CPNE4: variants seen among roughly 807,000 people sequenced by gnomAD.
CPNE4 encodes the protein copine-4.
Under a neutral mutation model 67.9 loss-of-function variants are expected in CPNE4, and 25 were observed. The observed-to-expected ratio is 0.37, with a 90% CI of 0.27 to 0.51. The LOEUF (loss-of-function observed/expected upper bound fraction) is 0.51, where lower values mean the gene tolerates loss of function less well. Among genes scored for constraint, CPNE4 ranks in the 20% least tolerant of loss-of-function variants. The pLI is 0.93. For synonymous variants in CPNE4, 242 were observed against 244.9 expected (o/e 0.99, Z 0.11); for missense variants, 464 against 690.8 (o/e 0.67, Z 3.68).
intron 2 of CPNE4, among the ~76,000 whole-genome samples, chr3:131,841,017 ATGT>A (rs2085760423): frequency 6.6e-6 from 1 of 152,138 alleles, no homozygotes; most frequent in African/African-American, 2.4e-5. Context: ...AGGGAGAGAA[ATGT>A]TGTTTTCGTT....
chr3:131,905,162 T>C, intron 2 of CPNE4, 102 bp downstream of exon 2: 1 of 1,020,908 alleles, frequency 9.8e-7, no homozygotes, highest in Admixed American at 2.4e-5. Flanking sequence ...TTCTCAAATT[T>C]CTTATTTCAT....
intron 10 of CPNE4, among the ~76,000 whole-genome samples, chr3:131,567,100 T>C (rs2107669686): frequency 1.3e-5 from 2 of 152,132 alleles, no homozygotes; most frequent in East Asian, 3.9e-4. Context: ...ATCTGTCCCA[T>C]GTGCTGGTTG....
chr3:131,672,827 A>AT (rs942712013), intron 6 of CPNE4, among the ~76,000 whole-genome samples: 7 of 151,316 alleles, frequency 4.6e-5, no homozygotes, highest in South Asian at 2.1e-4. Context: ...GCAGTGCAGA[A>AT]TTTTTTTTTA....
At chr3:131,936,711 T>A (rs1269227503) in intron 1 of CPNE4, among the ~76,000 whole-genome samples, 2 of 151,966 alleles carry the variant, frequency 1.3e-5, no homozygotes, top group African/African-American at 4.8e-5. Context: ...ATATGAAAAT[T>A]GTGATGAACA....
At chr3:131,996,904 G>C (rs1331226422) in intron 1 of CPNE4, among the ~76,000 whole-genome samples, 1 of 152,092 alleles carries the variant, frequency 6.6e-6, no homozygotes, top group African/African-American at 2.4e-5. Context: ...AAAATGTACA[G>C]AACATCTGCT....
At chr3:131,785,016 C>T (rs1406602868) in intron 2 of CPNE4, among the ~76,000 whole-genome samples, 1 of 152,050 alleles carries the variant, frequency 6.6e-6, no homozygotes, top group Non-Finnish European at 1.5e-5. Flanking sequence ...TGGTCAATAT[C>T]TTTAACTTCT....
At chr3:131,563,160 A>G (rs1247796001) in intron 11 of CPNE4, among the ~76,000 whole-genome samples, 1 of 151,992 alleles carries the variant, frequency 6.6e-6, no homozygotes, top group Non-Finnish European at 1.5e-5. Flanking sequence ...TTTTAGTATG[A>G]TTATCACCAA....
chr3:131,640,374 C>A (rs1023918005), intron 7 of CPNE4, among the ~76,000 whole-genome samples: 1 of 151,942 alleles, frequency 6.6e-6, no homozygotes, highest in Non-Finnish European at 1.5e-5. Flanking sequence ...AGTGACCAAG[C>A]TGAGAATCAA....
At chr3:131,579,033 C>A (rs547200413) in intron 9 of CPNE4, among the ~76,000 whole-genome samples, 1 of 152,230 alleles carries the variant, frequency 6.6e-6, no homozygotes, top group South Asian at 2.1e-4. Context: ...GAAGAAGATG[C>A]CATCAGGACT....
chr3:131,749,211 C>A (rs2082564396), intron 2 of CPNE4, among the ~76,000 whole-genome samples: 1 of 152,094 alleles, frequency 6.6e-6, no homozygotes, highest in Non-Finnish European at 1.5e-5. Context: ...ACAAGCTTCA[C>A]CCATGGATTA....
chr3:131,999,994 T>C (rs1183977982), intron 1 of CPNE4, among the ~76,000 whole-genome samples: 1 of 151,876 alleles, frequency 6.6e-6, no homozygotes, highest in Non-Finnish European at 1.5e-5. Flanking sequence ...TTGATGCAGA[T>C]TGATTTAGCA....
At chr3:131,568,291 A>G (rs1937162932) in intron 10 of CPNE4, among the ~76,000 whole-genome samples, 10 of 152,068 alleles carry the variant, frequency 6.6e-5, no homozygotes. Context: ...TCCACCAAGA[A>G]TTCTCTGTGC....
intron 3 of CPNE4, among the ~76,000 whole-genome samples, chr3:131,719,884 CAT>C (rs1055551376): frequency 2.0e-5 from 3 of 152,332 alleles, no homozygotes; most frequent in Admixed American, 2.0e-4. Context: ...GAAAAATCCA[CAT>C]GTCTTACTGG....
At chr3:131,975,026 TA>T (rs2072609902) in intron 1 of CPNE4, among the ~76,000 whole-genome samples, 1 of 151,752 alleles carries the variant, frequency 6.6e-6, no homozygotes, top group African/African-American at 2.4e-5. Context: ...AATAAATAAA[TA>T]AGTAAAGAGA....
At chr3:131,755,348 G>A (rs1444565942) in intron 2 of CPNE4, among the ~76,000 whole-genome samples, 1 of 152,082 alleles carries the variant, frequency 6.6e-6, no homozygotes, top group Admixed American at 6.5e-5. Flanking sequence ...GGAGACAGTG[G>A]TTGCAACTAC....
chr3:131,895,561 TA>T (rs892242086), intron 2 of CPNE4, among the ~76,000 whole-genome samples: 19 of 86,262 alleles, frequency 2.2e-4, no homozygotes, highest in African/African-American at 7.9e-4. Flanking sequence ...GAGTTAATTT[TA>T]TTTTTTTTGT....
chr3:131,931,329 G>A (rs2071054704), intron 1 of CPNE4, among the ~76,000 whole-genome samples: 1 of 152,138 alleles, frequency 6.6e-6, no homozygotes, highest in Non-Finnish European at 1.5e-5. Context: ...ATTAAAAAGT[G>A]AAGAAACAGC....
intron 6 of CPNE4, among the ~76,000 whole-genome samples, chr3:131,670,809 A>AT (rs1402055997): frequency 3.0e-5 from 1 of 33,304 alleles, no homozygotes; most frequent in African/African-American, 1.6e-4. Flanking sequence ...AAGTCTTGGA[A>AT]TTTTTTGTTT....
At chr3:131,810,003 T>C (rs1484975063) in intron 2 of CPNE4, among the ~76,000 whole-genome samples, 1 of 151,634 alleles carries the variant, frequency 6.6e-6, no homozygotes, top group African/African-American at 2.4e-5. Flanking sequence ...AAGAGAAGAA[T>C]CAAGAAGAGG....
Sources: gnomAD v4.1 joint callset for allele counts (sites outside exome capture counted in the v4.1 genomes callset) on GRCh38, gnomAD v4.1.1 for gene constraint, MANE v1.5 for transcripts, NCBI Gene and HGNC (gene_info 2026-07-23, HGNC 2026-07-21) for gene names.